ACTN2: variants seen among roughly 807,000 people sequenced by gnomAD.
ACTN2 encodes actinin alpha 2, also known as alpha-actinin-2.
A neutral mutation model predicts 113.8 loss-of-function variants in ACTN2; 39 were observed. The ratio of observed to expected loss-of-function variants is 0.34; its 90% CI spans 0.27 to 0.45. The LOEUF (loss-of-function observed/expected upper bound fraction) is 0.45. Among genes scored for constraint, ACTN2 ranks in the 20% least tolerant of loss-of-function variants. The pLI is 1.00. For synonymous variants in ACTN2, 429 were observed against 444.1 expected, an observed-to-expected ratio of 0.97 and a Z score of 0.43; for missense variants, 992 against 1,177.9, an observed-to-expected ratio of 0.84 and a Z score of 2.31.
At chr1:236,709,220 G>GTGTGTGTA (rs1275373436) in intron 1 of ACTN2, among the ~76,000 whole-genome samples, 74 of 66,840 alleles carry the variant, frequency 1.1e-3, no homozygotes, top group African/African-American at 4.3e-3. Context: ...ACAAATGACT[G>GTGTGTGTA]TATATATATA....
At chr1:236,732,466 A>T (rs1658740123) in intron 7 of ACTN2, among the ~76,000 whole-genome samples, 1 of 109,556 alleles carries the variant, frequency 9.1e-6, no homozygotes, top group Non-Finnish European at 1.8e-5. Context: ...TTTTTGAGAC[A>T]GAGTCTCACT....
chr1:236,726,790 G>A (rs1013362128), intron 5 of ACTN2, among the ~76,000 whole-genome samples: 1 of 152,200 alleles, frequency 6.6e-6, no homozygotes, highest in Admixed American at 6.5e-5. Context: ...GGAAGACAAA[G>A]GGGAAGAGAA....
At position 236,742,903 on chromosome 1, in the gene ACTN2, C is replaced by G. The variant is rs143200575; in HGVS notation, c.1115C>G (p.Ala372Gly). 1.9e-6 allele frequency: 3 copies of G among 1,614,062 alleles called. No individual in the cohort carries two copies. The African/African-American group carries it at 4.0e-5, about 22-fold the overall frequency. ...PSEGKMVSDI[A>G]GAWQRLEQAE... Reference sequence around the variant, plus strand: ...GGCTTCCAACCATCCCAGGATATTGCTGGTGCCTGGCAGAGGCTGGAGCAG... The same window carrying G: ...GGCTTCCAACCATCCCAGGATATTGGTGGTGCCTGGCAGAGGCTGGAGCAG... Residue 372 changes from alanine to glycine, a missense_variant, in exon 11 of 21, where the codon GCT becomes GGT. Ala to Gly is a moderately conservative substitution (Grantham distance 60, BLOSUM62 0). Around this residue, in one of 3 missense-constraint regions of ACTN2, gnomAD observed 736 missense variants for 815.4 expected, o/e 0.90. Coordinates refer to ENST00000366578, the MANE Select transcript of ACTN2 (RefSeq NM_001103.4).
intron 2 of ACTN2, among the ~76,000 whole-genome samples, chr1:236,718,598 C>T (rs559487463): frequency 6.6e-6 from 1 of 152,336 alleles, no homozygotes; most frequent in South Asian, 2.1e-4. Context: ...GGGACTCTAA[C>T]CAGCTTCTCT....
At chr1:236,739,625 T>G in intron 10 of ACTN2, 93 bp downstream of exon 10, 4 of 1,412,590 alleles carry the variant, frequency 2.8e-6, no homozygotes, top group Admixed American at 1.9e-5. Flanking sequence ...GGCATTGACT[T>G]CTTGAATCTT....
intron 1 of ACTN2, among the ~76,000 whole-genome samples, chr1:236,703,713 C>G (rs1461900570): frequency 1.3e-5 from 2 of 150,960 alleles, no homozygotes; most frequent in East Asian, 3.9e-4. Context: ...TTAAAACGCC[C>G]TTGGAATTAA....
At chr1:236,731,418 G>C (rs189638338) in intron 7 of ACTN2, 104 bp downstream of exon 7, 22 of 874,070 alleles carry the variant, frequency 2.5e-5, no homozygotes, top group Non-Finnish European at 4.0e-5. Flanking sequence ...AGTTACATCC[G>C]AAGTACTTTG....
At chr1:236,743,602 A>C (rs1480133069) in intron 11 of ACTN2, among the ~76,000 whole-genome samples, 1 of 151,822 alleles carries the variant, frequency 6.6e-6, no homozygotes, top group Non-Finnish European at 1.5e-5. Context: ...TCCTGGACTA[A>C]ATAGTCCTTC....
chr1:236,759,676 T>C lies in ACTN2; in HGVS notation c.2302-48T>C. ...TGTTCAGTTGGTCAAGTAGAGTTGCTCATCTTGCCCTGTGCTCACCTGCTC... is the reference window on the plus strand; with the variant it reads ...TGTTCAGTTGGTCAAGTAGAGTTGCCCATCTTGCCCTGTGCTCACCTGCTC... On this transcript the variant is annotated intron_variant, in intron 18 of 20. Transcript: ENST00000366578. 2.6e-6 allele frequency: 4 copies of C among 1,525,042 alleles called. No individual in the cohort carries two copies. The South Asian group carries it at 4.5e-5, about 17-fold the overall frequency. 94.5% of individuals were successfully genotyped at this position (1,525,042 alleles called of 1,614,324 possible).
chr1:236,760,880 A>G (rs1659683738), intron 19 of ACTN2, 135 bp from the exon 20 acceptor site: 2 of 1,151,140 alleles, frequency 1.7e-6, no homozygotes, highest in Non-Finnish European at 1.3e-6. Context: ...TTGTCCAAAG[A>G]CTGAAGGGAA....
Position 236,763,152 on chromosome 1 carries a change from T to C in ACTN2, c.*533T>C, listed in dbSNP as rs746815566. On this transcript the variant is annotated 3_prime_UTR_variant, in exon 21 of 21. Transcript: ENST00000366578. The stretch of plus-strand genomic sequence containing the variant: ...ATTGTATCTTCAAATGAATTTAATA[T>C]TGTGAGATGGAACTGCCGGGGATTA... 4.3e-5 allele frequency: 7 copies of C among 160,928 alleles called. No homozygotes were observed. Among genetic ancestry groups the C allele is most frequent in the Non-Finnish European group, 5.5e-5 (4 of 73,180 alleles). The allele number at this position is 160,928 out of a possible 1,614,324, so 10.0% of individuals were successfully genotyped here.
intron 3 of ACTN2, 147 bp downstream of exon 3, chr1:236,719,160 A>G (rs1658309353): frequency 1.8e-6 from 2 of 1,115,294 alleles, no homozygotes; most frequent in Non-Finnish European, 2.6e-6. Context: ...CGCTCGGTGC[A>G]CAAAGATAAG....
intron 4 of ACTN2, among the ~76,000 whole-genome samples, chr1:236,725,027 C>G (rs760834518): frequency 1.1e-4 from 16 of 152,112 alleles, no homozygotes; most frequent in Admixed American, 2.6e-4. Flanking sequence ...TTGTCATCAA[C>G]TACACACAGT....
At chr1:236,734,653 T>C (rs1029535567) in intron 7 of ACTN2, 5 of 624,914 alleles carry the variant, frequency 8.0e-6, no homozygotes, top group Non-Finnish European at 1.4e-5. Context: ...CAGTTGTTTG[T>C]CTTTTTTAGT....
chr1:236,737,369 T>C (rs1416413520), intron 9 of ACTN2, among the ~76,000 whole-genome samples, 155 bp downstream of exon 9: 2 of 142,558 alleles, frequency 1.4e-5, no homozygotes, highest in Admixed American at 7.3e-5. Context: ...ACACTTGATC[T>C]CTGAGGTTGT....
intron 12 of ACTN2, among the ~76,000 whole-genome samples, chr1:236,745,755 C>T (rs1659213801): frequency 6.6e-6 from 1 of 152,182 alleles, no homozygotes; most frequent in Non-Finnish European, 1.5e-5. Flanking sequence ...TTTCCTACTC[C>T]TTTCCCCACC....
Position 236,764,324 on chromosome 1 carries a change from G to A in ACTN2, c.*1705G>A, listed in dbSNP as rs1003177263. ...TTATTTCAAGTAGGTGCTATATCCC[G>A]GCCATAAACCCCTATAGAAAAGCCA... is the stretch of plus-strand genomic sequence containing the variant. On this transcript the variant is annotated 3_prime_UTR_variant, in exon 21 of 21. Coordinates refer to ENST00000366578, the MANE Select transcript of ACTN2 (RefSeq NM_001103.4). The A allele has an allele frequency of 1.3e-5, 2 of 152,050 alleles. No individual in the cohort carries two copies. Among genetic ancestry groups the A allele is most frequent in the African/African-American group, 2.4e-5 (1 of 41,380 alleles). 9.4% of individuals were successfully genotyped at this position (152,050 alleles called of 1,614,324 possible).
intron 13 of ACTN2, 21 bp downstream of exon 13, chr1:236,747,796 G>C (rs767635241): frequency 7.1e-6 from 11 of 1,552,558 alleles, no homozygotes; most frequent in Non-Finnish European, 8.9e-6. Context: ...GAAGCCACTT[G>C]TTGACATGAA....
chr1:236,750,891 C>T (rs530393738), intron 14 of ACTN2, among the ~76,000 whole-genome samples: 2 of 151,726 alleles, frequency 1.3e-5, no homozygotes, highest in South Asian at 4.2e-4. Context: ...GAGTTTGAGA[C>T]CAACCTGGGC....
Sources: gnomAD v4.1 joint callset for allele counts (sites outside exome capture counted in the v4.1 genomes callset) on GRCh38, gnomAD v4.1.1 for gene constraint, gnomAD v4.1.1 regional missense constraint, MANE v1.5 for transcripts, NCBI Gene and HGNC (gene_info 2026-07-23, HGNC 2026-07-21) for gene names.